RNF10: variants seen among roughly 807,000 people sequenced by gnomAD.
The protein encoded by RNF10 is ring finger protein 10.
RNF10 carries 38 observed loss-of-function variants against 91.4 expected under a neutral mutation model. The observed-to-expected ratio is 0.42, with a 90% confidence interval of 0.32 to 0.54. The LOEUF is 0.54. RNF10 is among the 20% of genes least tolerant of loss of function. The pLI, the probability that RNF10 is intolerant of heterozygous loss-of-function variation, is 0.16. For missense variants in RNF10, 945 were observed against 1,012.0 expected (o/e 0.93, Z 0.90); for synonymous variants, 364 against 366.3 (o/e 0.99, Z 0.07).
At chr12:120,535,081 C>G (rs545697530) in intron 1 of RNF10, 113 bp downstream of exon 1, 2 of 1,143,620 alleles carry the variant, frequency 1.7e-6, no homozygotes, top group South Asian at 3.4e-5. Context: ...TTTTATAGCT[C>G]CTACCTGCCC....
At chr12:120,564,691 T>G (rs758273973) in intron 10 of RNF10, among the ~76,000 whole-genome samples, 2 of 152,180 alleles carry the variant, frequency 1.3e-5, no homozygotes, top group Non-Finnish European at 2.9e-5. Flanking sequence ...TTCCCAGTTA[T>G]TTATTCTGTC....
At chr12:120,568,271 A>G (rs188220240) in intron 13 of RNF10, among the ~76,000 whole-genome samples, 2 of 152,166 alleles carry the variant, frequency 1.3e-5, no homozygotes, top group East Asian at 1.9e-4. Flanking sequence ...ACTGAGACAG[A>G]TGTGTTCCAA....
intron 4 of RNF10, among the ~76,000 whole-genome samples, chr12:120,556,779 G>T (rs1352867709): frequency 6.6e-6 from 1 of 151,804 alleles, no homozygotes; most frequent in Non-Finnish European, 1.5e-5. Flanking sequence ...ATTTAATGTA[G>T]AACCCCCAAC....
At chr12:120,565,571 G>A (rs371674760) in intron 12 of RNF10, 42 bp downstream of exon 12, 38 of 1,541,434 alleles carry the variant, frequency 2.5e-5, no homozygotes, top group African/African-American at 5.4e-5. Context: ...ACTGCTGTAC[G>A]TCGTTGTATA....
intron 6 of RNF10, among the ~76,000 whole-genome samples, chr12:120,560,162 T>G (rs905431979): frequency 6.6e-6 from 1 of 150,862 alleles, no homozygotes. Context: ...TTGTTTTTTT[T>G]TTTTTTGAGA....
chr12:120,550,661 A>G (rs1460940952), intron 2 of RNF10, among the ~76,000 whole-genome samples: 1 of 150,142 alleles, frequency 6.7e-6, no homozygotes, highest in Non-Finnish European at 1.5e-5. Flanking sequence ...CAGTGGCGTG[A>G]TCTCGGCTCA....
Position 120,546,552 on chromosome 12 carries a change from G to A in RNF10, c.305G>A (p.Gly102Asp). The change falls in exon 2 of 17, where the codon GGC becomes GAC. Residue 102 changes from glycine (G) to aspartate (D), a missense_variant. By Grantham distance (94) the Gly-to-Asp change is moderately conservative (BLOSUM62 -1). Coordinates refer to ENST00000325954, the MANE Select transcript of RNF10 (RefSeq NM_014868.5). ...FNKMPPQRGG[G>D]SSKLFSSSFN... is the part of the protein sequence containing the mutation. ...AAGATGCCTCCTCAAAGGGGCGGCG[G>A]CAGCAGCAAACTCTTTAGCTCTTCT... The A allele has an allele frequency of 6.2e-7, 1 of 1,614,122 alleles. No individual in the cohort carries two copies. Among genetic ancestry groups the A allele is most frequent in the South Asian group, 1.1e-5 (1 of 91,080 alleles).
At chr12:120,572,533 C>CT (rs1190662500) in intron 14 of RNF10, among the ~76,000 whole-genome samples, 7 of 152,128 alleles carry the variant, frequency 4.6e-5, no homozygotes, top group Non-Finnish European at 1.0e-4. Context: ...TGAAAATTAA[C>CT]TGCTGGACTT....
At chr12:120,540,405 C>T (rs1007331189) in intron 1 of RNF10, among the ~76,000 whole-genome samples, 6 of 152,164 alleles carry the variant, frequency 3.9e-5, no homozygotes, top group African/African-American at 1.2e-4. Context: ...AGTTCCTTCT[C>T]CCAGGAACTT....
intron 13 of RNF10, among the ~76,000 whole-genome samples, chr12:120,569,080 C>T (rs1040954490): frequency 6.6e-6 from 1 of 152,120 alleles, no homozygotes; most frequent in African/African-American, 2.4e-5. Context: ...AAGCGATTCT[C>T]CTGCCTCAGC....
intron 3 of RNF10, among the ~76,000 whole-genome samples, chr12:120,553,756 A>C (rs1240990612): frequency 6.6e-6 from 1 of 152,174 alleles, no homozygotes; most frequent in Non-Finnish European, 1.5e-5. Flanking sequence ...AGTGCTTGGC[A>C]TACATTTGCT....
intron 13 of RNF10, among the ~76,000 whole-genome samples, chr12:120,570,605 A>G (rs1350444408): frequency 1.3e-5 from 2 of 152,150 alleles, no homozygotes; most frequent in Admixed American, 6.5e-5. Context: ...CTCTCGTCCA[A>G]CACTGTTCAG....
In RNF10 at chr12:120,562,940, GT is replaced by G. The variant is rs1237372269; in HGVS notation, c.1129-3del. ...CTTCTCTGGTGTTCTCTCTGGCCAC[GT>G]TAGACTCGGGAAGAGGCTCTGTCGG... On this transcript the variant is annotated splice_region_variant and splice_polypyrimidine_tract_variant and intron_variant, in intron 7 of 16. Coordinates refer to ENST00000325954, the MANE Select transcript of RNF10 (RefSeq NM_014868.5). 4 of 1,613,878 alleles carry G rather than the reference GT, an allele frequency of 2.5e-6. No individual in the cohort carries two copies. The highest frequency in any genetic ancestry group is 4.5e-5 in the East Asian group (2 of 44,864).
At chr12:120,575,582 T>C in intron 14 of RNF10, 49 bp from the exon 15 acceptor site, 1 of 1,607,814 alleles carries the variant, frequency 6.2e-7, no homozygotes, top group Non-Finnish European at 8.5e-7. Context: ...AAAAAGAAGT[T>C]GGACCAGCTA....
intron 3 of RNF10, among the ~76,000 whole-genome samples, chr12:120,553,314 T>A (rs1373601266): frequency 6.6e-6 from 1 of 151,236 alleles, no homozygotes; most frequent in African/African-American, 2.4e-5. Flanking sequence ...GGTCTCAAAC[T>A]CCTGACCTCG....
intron 1 of RNF10, among the ~76,000 whole-genome samples, chr12:120,541,196 G>A (rs1035426959): frequency 6.6e-6 from 1 of 152,130 alleles, no homozygotes; most frequent in Non-Finnish European, 1.5e-5. Flanking sequence ...GTAGAATCTG[G>A]CTTTACCTAA....
At chr12:120,563,202 A>C in intron 8 of RNF10, 132 bp downstream of exon 8, 1 of 1,489,084 alleles carries the variant, frequency 6.7e-7, no homozygotes, top group African/African-American at 1.4e-5. Context: ...GCTTGTTATT[A>C]GTTCTTTCCC....
intron 1 of RNF10, among the ~76,000 whole-genome samples, chr12:120,542,335 G>T (rs1010368839): frequency 5.9e-5 from 9 of 152,030 alleles, no homozygotes; most frequent in Admixed American, 2.0e-4. Flanking sequence ...TAAATTTTTT[G>T]TAGAGATGGG....
At chr12:120,546,027 T>C (rs1325173833) in intron 1 of RNF10, among the ~76,000 whole-genome samples, 1 of 152,268 alleles carries the variant, frequency 6.6e-6, no homozygotes, top group Non-Finnish European at 1.5e-5. Context: ...GAATCTCTTC[T>C]GTCCTGTTAC....
Sources: gnomAD v4.1 joint callset for allele counts (sites outside exome capture counted in the v4.1 genomes callset) on GRCh38, gnomAD v4.1.1 for gene constraint, MANE v1.5 for transcripts, NCBI Gene and HGNC (gene_info 2026-07-23, HGNC 2026-07-21) for gene names.